The following HNRNPR variants were observed in gnomAD, a reference collection of about 807,000 sequenced individuals.
The protein encoded by HNRNPR is heterogeneous nuclear ribonucleoprotein R.
A neutral mutation model predicts 70.3 loss-of-function variants in HNRNPR; 4 were observed. The ratio of observed to expected loss-of-function variants is 0.06; its 90% CI spans 0.03 to 0.13. The LOEUF is 0.13. HNRNPR is among the 10% of genes least tolerant of loss of function. The pLI is 1.00. For synonymous variants in HNRNPR, 241 were observed against 267.6 expected (o/e 0.90, Z 0.97); for missense variants, 423 against 788.5 (o/e 0.54, Z 5.55).
chr1:23,340,816 T>A (rs371569731), intron 2 of HNRNPR, 36 bp downstream of exon 2: 3 of 1,555,874 alleles, frequency 1.9e-6, no homozygotes, highest in Non-Finnish European at 2.6e-6. Flanking sequence ...GCCCTCACTT[T>A]CATAACCAGT....
intron 5 of HNRNPR, among the ~76,000 whole-genome samples, chr1:23,330,274 C>A (rs1418183618): frequency 6.6e-6 from 1 of 151,792 alleles, no homozygotes; most frequent in Non-Finnish European, 1.5e-5. Context: ...AGGTTGCTCA[C>A]TCCTGTAATC....
intron 5 of HNRNPR, among the ~76,000 whole-genome samples, chr1:23,330,184 AATTT>A (rs1480345926): frequency 6.6e-6 from 1 of 152,154 alleles, no homozygotes; most frequent in East Asian, 1.9e-4. Flanking sequence ...AACAGATAAG[AATTT>A]ATTATACACA....
Position 23,311,353 on chromosome 1 carries a change from C to T in HNRNPR, c.1168-31G>A, listed in dbSNP as rs41268113. 6.2e-3 allele frequency: 8,477 copies of T among 1,373,076 alleles called. 31 individuals are homozygous for T. Among genetic ancestry groups the T allele is most frequent in the Non-Finnish European group, 7.8e-3 (7,683 of 980,582 alleles). The allele number at this position is 1,373,076 out of a possible 1,614,324, so 85.1% of individuals were successfully genotyped here. ...AAAAATTAGAAAAATTATTTTACAA[C>T]GATATAAAACTGTATTTTGTTTTAT... On this transcript the variant is annotated intron_variant, in intron 9 of 10. Coordinates refer to ENST00000302271, the MANE Select transcript of HNRNPR (RefSeq NM_005826.5).
chr1:23,338,919 T>C (rs1195020660), intron 2 of HNRNPR, among the ~76,000 whole-genome samples: 1 of 152,234 alleles, frequency 6.6e-6, no homozygotes, highest in African/African-American at 2.4e-5. Flanking sequence ...AAATCTGATG[T>C]ACATACTGTA....
rs1645234258 is a variant in HNRNPR, at chr1:23,308,212, T to C, written c.*2242A>G. ...AAAGGACAGAGGAGGAGGTGGCCAC[T>C]TTAAAATTCAAAATATAATTTGCAA... On this transcript the variant is annotated 3_prime_UTR_variant, in exon 11 of 11. Coordinates refer to ENST00000302271, the MANE Select transcript of HNRNPR (RefSeq NM_005826.5). 6.6e-6 allele frequency: 1 copy of C among 152,066 alleles called. No homozygotes were observed. The highest frequency in any genetic ancestry group is 2.1e-4 in the South Asian group (1 of 4,826). The allele number at this position is 152,066 out of a possible 1,614,324, so 9.4% of individuals were successfully genotyped here.
In HNRNPR at chr1:23,305,523, G is replaced by A. The variant is rs1221095020; in HGVS notation, c.*4931C>T. ...TACAGTGCTGTAAGAATACTGAGAA[G>A]GTTCTTCAGGCATGAAAATCCATAA... On this transcript the variant is annotated 3_prime_UTR_variant, in exon 11 of 11. Transcript: ENST00000302271. 1 of 152,080 alleles carries A rather than the reference G, an allele frequency of 6.6e-6. No individual in the cohort carries two copies. Among genetic ancestry groups the A allele is most frequent in the Non-Finnish European group, 1.5e-5 (1 of 67,988 alleles). The allele number at this position is 152,080 out of a possible 1,614,324, so 9.4% of individuals were successfully genotyped here.
Position 23,318,754 on chromosome 1 carries a change from C to A in HNRNPR, c.812-66G>T. On this transcript the variant is annotated intron_variant, in intron 7 of 10. Transcript: ENST00000302271. This position sits in a 1 kb window ranked among gnomAD's most constrained non-coding sequence, Gnocchi z 4.2. ...ACCACACATCTAGCGATTAGGCAGA[C>A]CTAAATCCACTTGACGATGAGCAAA... The A allele has an allele frequency of 1.3e-6, 2 of 1,504,492 alleles. No individual in the cohort carries two copies. Among genetic ancestry groups the A allele is most frequent in the Non-Finnish European group, 1.8e-6 (2 of 1,094,014 alleles). 93.2% of individuals were successfully genotyped at this position (1,504,492 alleles called of 1,614,324 possible). A position where few individuals can be genotyped will look rare whatever the true frequency, so the allele number is the denominator to read the frequency against.
chr1:23,324,015 A>C (rs901364941), intron 5 of HNRNPR, among the ~76,000 whole-genome samples: 2 of 152,054 alleles, frequency 1.3e-5, no homozygotes, highest in African/African-American at 2.4e-5. Context: ...TTTTCTCATA[A>C]AAACAGAATA....
At chr1:23,314,940 T>C (rs1232294374) in intron 8 of HNRNPR, among the ~76,000 whole-genome samples, 2 of 152,092 alleles carry the variant, frequency 1.3e-5, no homozygotes, top group Non-Finnish European at 2.9e-5. Flanking sequence ...GCTGGTTAAA[T>C]ACACTATAGT....
chr1:23,321,177 A>AAAAAAAAAC, intron 7 of HNRNPR, among the ~76,000 whole-genome samples: 1 of 151,380 alleles, frequency 6.6e-6, no homozygotes, highest in Non-Finnish European at 1.5e-5. Flanking sequence ...AAAAAAAAAA[A>AAAAAAAAAC]TCTGATCTAG....
chr1:23,335,459 G>A (rs779915404), intron 4 of HNRNPR, among the ~76,000 whole-genome samples: 3 of 152,218 alleles, frequency 2.0e-5, no homozygotes, highest in Non-Finnish European at 2.9e-5. Flanking sequence ...GCGGGCAAGT[G>A]AGAACAAAGC....
chr1:23,338,623 G>T lies in HNRNPR; in HGVS notation c.158-15C>A. On this transcript the variant is annotated splice_polypyrimidine_tract_variant and intron_variant, in intron 2 of 10. Coordinates refer to ENST00000302271, the MANE Select transcript of HNRNPR (RefSeq NM_005826.5). ...AGCTACCAATCCTAAAAATTAAATT[G>T]AAAGGGGTAACGTTATTGCAACAAA... 7.4e-7 allele frequency: 1 copy of T among 1,352,750 alleles called. No individual in the cohort carries two copies. Among genetic ancestry groups the T allele is most frequent in the South Asian group, 1.2e-5 (1 of 80,088 alleles). The allele number at this position is 1,352,750 out of a possible 1,614,324, so 83.8% of individuals were successfully genotyped here. A position where few individuals can be genotyped will look rare whatever the true frequency, so the allele number is the denominator to read the frequency against.
intron 8 of HNRNPR, 114 bp from the exon 9 acceptor site, chr1:23,313,816 G>C (rs1462480484): frequency 8.5e-7 from 1 of 1,183,372 alleles, no homozygotes; most frequent in South Asian, 1.5e-5. Context: ...AGTGCTAAAA[G>C]TGTTGTTACA....
rs1303260691 is a variant in HNRNPR, at chr1:23,307,325, TTA to T, written c.*3127_*3128del. On this transcript the variant is annotated 3_prime_UTR_variant, in exon 11 of 11. Coordinates refer to ENST00000302271, the MANE Select transcript of HNRNPR (RefSeq NM_005826.5). ...ATGGCTTTATGCTAGGAGTGAAATT[TTA>T]TGTCCCTTCTCTTTTAGAATTTAAA... 6.6e-6 allele frequency: 1 copy of T among 152,076 alleles called. No homozygotes were observed. Among genetic ancestry groups the T allele is most frequent in the Non-Finnish European group, 1.5e-5 (1 of 67,952 alleles). The allele number at this position is 152,076 out of a possible 1,614,324, so 9.4% of individuals were successfully genotyped here.
intron 5 of HNRNPR, among the ~76,000 whole-genome samples, chr1:23,326,291 T>C (rs1000885330): frequency 6.6e-6 from 1 of 152,110 alleles, no homozygotes; most frequent in Non-Finnish European, 1.5e-5. Context: ...AAGACATCTA[T>C]GGCATCATCA....
At chr1:23,343,406 T>C (rs1183264240) in intron 1 of HNRNPR, among the ~76,000 whole-genome samples, 1 of 152,158 alleles carries the variant, frequency 6.6e-6, no homozygotes, top group Non-Finnish European at 1.5e-5. Flanking sequence ...GAGACATCAA[T>C]TCAGCCACTT....
At chr1:23,320,835 TCTCA>T (rs1645727493) in intron 7 of HNRNPR, among the ~76,000 whole-genome samples, 1 of 152,178 alleles carries the variant, frequency 6.6e-6, no homozygotes, top group Non-Finnish European at 1.5e-5. Context: ...AAAATCTACT[TCTCA>T]ATCAATTCCA....
intron 3 of HNRNPR, chr1:23,338,257 T>C (rs1233232438): frequency 2.9e-6 from 1 of 345,698 alleles, no homozygotes; most frequent in African/African-American, 2.1e-5. Flanking sequence ...AAAACTTGGC[T>C]TTAATTTTAA....
chr1:23,338,040 A>T, intron 3 of HNRNPR, 179 bp from the exon 4 acceptor site: 3 of 537,888 alleles, frequency 5.6e-6, no homozygotes, highest in Non-Finnish European at 9.9e-6. Flanking sequence ...GCAGTAAGGC[A>T]GTATAGACCT....
Sources: gnomAD v4.1 joint callset for allele counts (sites outside exome capture counted in the v4.1 genomes callset) on GRCh38, gnomAD v4.1.1 for gene constraint, Gnocchi (gnomAD v3.1) non-coding constraint, MANE v1.5 for transcripts, NCBI Gene and HGNC (gene_info 2026-07-23, HGNC 2026-07-21) for gene names.